The following SCHIP1 variants were observed in gnomAD, a reference collection of about 807,000 sequenced individuals.
The protein encoded by SCHIP1 is schwannomin-interacting protein 1.
SCHIP1 carries 8 observed loss-of-function variants against 29.7 expected under a neutral mutation model. That is an observed-to-expected ratio of 0.27 (90% CI 0.16 to 0.49). The LOEUF is 0.49. Ranked by LOEUF, SCHIP1 falls within the 20% of genes least tolerant of loss-of-function variation. The pLI, the probability that SCHIP1 is intolerant of heterozygous loss-of-function variation, is 0.99. For synonymous variants in SCHIP1, 76 were observed against 94.9 expected, an observed-to-expected ratio of 0.80 and a Z score of 1.16; for missense variants, 193 against 294.6, an observed-to-expected ratio of 0.66 and a Z score of 2.52.
At chr3:159,402,435 A>G in the SCHIP1 span, among the ~76,000 whole-genome samples, 2 of 152,326 alleles carry the variant, frequency 1.3e-5, no homozygotes, top group South Asian at 4.1e-4. Context: ...TACTGGGTAT[A>G]TACCCGAAGG....
At chr3:159,274,835 C>A in the SCHIP1 span, 27 of 577,050 alleles carry the variant, frequency 4.7e-5, no homozygotes, top group Non-Finnish European at 5.9e-5. Flanking sequence ...ATTTTAAAGC[C>A]TAATAAAATA....
At chr3:159,884,901 A>C (rs1248366523) in intron 2 of SCHIP1, among the ~76,000 whole-genome samples, 1 of 152,168 alleles carries the variant, frequency 6.6e-6, no homozygotes, top group Admixed American at 6.5e-5. Context: ...GGTAGGGAGC[A>C]AATAGAGCTG....
chr3:159,337,886 A>G, the SCHIP1 span, among the ~76,000 whole-genome samples: 436 of 152,326 alleles, frequency 2.9e-3, no homozygotes, highest in African/African-American at 0.01. Context: ...ATTGTTAGTA[A>G]TTAAGCCCTG....
chr3:159,678,033 A>G, the SCHIP1 span, among the ~76,000 whole-genome samples: 4 of 152,288 alleles, frequency 2.6e-5, no homozygotes, highest in East Asian at 7.7e-4. Context: ...CCTTTATCAG[A>G]TCTGTGTCCA....
At chr3:159,561,807 C>T in the SCHIP1 span, among the ~76,000 whole-genome samples, 1 of 152,068 alleles carries the variant, frequency 6.6e-6, no homozygotes, top group African/African-American at 2.4e-5. Flanking sequence ...TTCAGTCAAA[C>T]AAAGGGACAA....
At chr3:159,764,488 A>G in the SCHIP1 span, 4 of 1,586,822 alleles carry the variant, frequency 2.5e-6, no homozygotes, top group African/African-American at 1.3e-5. The surrounding 1 kb of genome is among the most constrained non-coding windows in gnomAD (Gnocchi z 6.1). Flanking sequence ...CGCCGGCAGC[A>G]GCAGCAGCAG....
chr3:159,401,338 T>C, the SCHIP1 span: 4 of 967,356 alleles, frequency 4.1e-6, no homozygotes, highest in African/African-American at 5.3e-5. Flanking sequence ...TTGAGGCATC[T>C]AGACTAAGTG....
upstream of SCHIP1, among the ~76,000 whole-genome samples, chr3:159,836,464 A>G (rs1260674563): frequency 6.6e-6 from 1 of 152,176 alleles, no homozygotes. Context: ...CCACATATGA[A>G]GTTTGAGGGC....
At chr3:159,731,210 G>A in the SCHIP1 span, among the ~76,000 whole-genome samples, 5 of 152,216 alleles carry the variant, frequency 3.3e-5, no homozygotes, top group Admixed American at 3.3e-4. Flanking sequence ...AGCAAAGAAA[G>A]AAGTATGTTA....
the SCHIP1 span, among the ~76,000 whole-genome samples, chr3:159,551,754 G>A: frequency 5.3e-5 from 8 of 151,910 alleles, no homozygotes; most frequent in Admixed American, 2.0e-4. Flanking sequence ...AAAAGATTTA[G>A]CAAATTTGAA....
chr3:159,599,118 G>A, the SCHIP1 span, among the ~76,000 whole-genome samples: 1 of 152,050 alleles, frequency 6.6e-6, no homozygotes, highest in Non-Finnish European at 1.5e-5. Flanking sequence ...GAAAAGATGA[G>A]GGGTTTTTGT....
At chr3:159,550,058 C>CTTATCTTAAGATATCTTAAGAAAATTAA in the SCHIP1 span, among the ~76,000 whole-genome samples, 87 of 147,896 alleles carry the variant, frequency 5.9e-4, no homozygotes, top group African/African-American at 1.8e-3. Context: ...CTGTTTTTCT[C>CTTATCTTAAGATATCTTAAGAAAATTAA]TTATCTTAAG....
the SCHIP1 span, among the ~76,000 whole-genome samples, chr3:159,504,412 T>A: frequency 6.6e-6 from 1 of 152,180 alleles, no homozygotes; most frequent in Non-Finnish European, 1.5e-5. Context: ...GCTGAAAATA[T>A]CAGTGGAATT....
intron 2 of SCHIP1, among the ~76,000 whole-genome samples, chr3:159,871,901 C>G (rs1027916730): frequency 2.6e-5 from 4 of 152,124 alleles, no homozygotes; most frequent in Non-Finnish European, 5.9e-5. Context: ...CAAGAGGGTC[C>G]TTTCAGGTGT....
chr3:159,755,842 G>A, the SCHIP1 span, among the ~76,000 whole-genome samples: 2 of 152,222 alleles, frequency 1.3e-5, no homozygotes, highest in African/African-American at 4.8e-5. Flanking sequence ...ATTCAAGTCT[G>A]AAATCCAGCA....
At chr3:159,343,902 A>G in the SCHIP1 span, among the ~76,000 whole-genome samples, 4 of 152,158 alleles carry the variant, frequency 2.6e-5, no homozygotes, top group Non-Finnish European at 4.4e-5. Flanking sequence ...GTTTTTATGG[A>G]TAATATTTGA....
chr3:159,701,358 C>G, the SCHIP1 span, among the ~76,000 whole-genome samples: 2 of 152,078 alleles, frequency 1.3e-5, no homozygotes, highest in African/African-American at 4.8e-5. Context: ...ACCCCTGCCC[C>G]CTACACGCAC....
the SCHIP1 span, among the ~76,000 whole-genome samples, chr3:159,716,415 G>T: frequency 6.6e-6 from 1 of 152,184 alleles, no homozygotes; most frequent in Non-Finnish European, 1.5e-5. Context: ...AGCCTTAAAT[G>T]TAAATGGGCT....
chr3:159,453,160 G>A, the SCHIP1 span, among the ~76,000 whole-genome samples: 2 of 152,166 alleles, frequency 1.3e-5, no homozygotes, highest in Admixed American at 1.3e-4. Context: ...AGGTACAACG[G>A]CAGCCACAGC....
Sources: gnomAD v4.1 joint callset for allele counts (sites outside exome capture counted in the v4.1 genomes callset) on GRCh38, gnomAD v4.1.1 for gene constraint, Gnocchi (gnomAD v3.1) non-coding constraint, MANE v1.5 for transcripts, NCBI Gene and HGNC (gene_info 2026-07-23, HGNC 2026-07-21) for gene names.